DNAJC5B: variants seen among roughly 807,000 people sequenced by gnomAD.
DNAJC5B encodes DnaJ heat shock protein family (Hsp40) member C5 beta.
A neutral mutation model predicts 24.7 loss-of-function variants in DNAJC5B; 23 were observed. That is an observed-to-expected ratio of 0.93 (90% CI 0.67 to 1.32). DNAJC5B has a LOEUF of 1.32. Ranked by LOEUF, DNAJC5B falls within the 40% of genes most tolerant of loss-of-function variation. DNAJC5B has a pLI of 0.00. For synonymous variants in DNAJC5B, 101 were observed against 90.1 expected (o/e 1.12, Z -0.68); for missense variants, 238 against 240.8 (o/e 0.99, Z 0.08).
At position 66,100,157 on chromosome 8, in the gene DNAJC5B, T is replaced by C. The variant is rs141695014; in HGVS notation, c.*126T>C. 3.3e-3 allele frequency: 2,493 copies of C among 746,336 alleles called. 7 individuals are homozygous for C. The highest frequency in any genetic ancestry group is 4.7e-3 in the Non-Finnish European group (2,250 of 476,518). The allele number at this position is 746,336 out of a possible 1,614,324, so 46.2% of individuals were successfully genotyped here. A position where few individuals can be genotyped will look rare whatever the true frequency, so the allele number is the denominator to read the frequency against. On this transcript the variant is annotated 3_prime_UTR_variant, in exon 6 of 6. Coordinates refer to ENST00000276570, the MANE Select transcript of DNAJC5B (RefSeq NM_033105.6). ...CCATCTTGTTGTTTTATTTTTGGGT[T>C]AGGAAAACATGATTGCTATATAATT...
chr8:66,037,178 G>A (rs1473361685), intron 1 of DNAJC5B, among the ~76,000 whole-genome samples: 1 of 152,206 alleles, frequency 6.6e-6, no homozygotes, highest in African/African-American at 2.4e-5. Context: ...TGGGGCTTTG[G>A]CAACAGGGAC....
chr8:66,086,507 A>G lies in DNAJC5B; in HGVS notation c.505+5959A>G, dbSNP rs560398686. ...ACAGAAATTTTTCTTTGAAGGAACT[A>G]TTAGCTACCTTTACATTTACATTAA... On this transcript the variant is annotated intron_variant, in intron 5 of 5. Transcript: ENST00000276570. Among the ~76,000 whole-genome samples, 7 of 152,314 alleles carry G rather than the reference A, an allele frequency of 4.6e-5. No individual in the cohort carries two copies. In the South Asian group the frequency reaches 1.0e-3, roughly 23 times the overall value.
At chr8:66,078,326 G>A (rs1166980779) in intron 4 of DNAJC5B, among the ~76,000 whole-genome samples, 3 of 151,984 alleles carry the variant, frequency 2.0e-5, no homozygotes, top group Admixed American at 6.6e-5. Context: ...CCAATTTCAC[G>A]GCACCCATCA....
At chr8:66,018,205 G>A (rs1243874314), upstream of DNAJC5B, among the ~76,000 whole-genome samples, 1 of 152,114 alleles carries the variant, frequency 6.6e-6, no homozygotes, top group Non-Finnish European at 1.5e-5. Flanking sequence ...CTTGATGGGT[G>A]GGGCCTGCAA....
intron 3 of DNAJC5B, among the ~76,000 whole-genome samples, chr8:66,071,656 T>C (rs1807351568): frequency 1.3e-5 from 2 of 152,270 alleles, no homozygotes; most frequent in Admixed American, 1.3e-4. Context: ...TCCTCAAGGA[T>C]CTAGAACTAG....
chr8:66,078,136 G>C (rs529622491), intron 4 of DNAJC5B, among the ~76,000 whole-genome samples: 1 of 152,252 alleles, frequency 6.6e-6, no homozygotes, highest in African/African-American at 2.4e-5. Flanking sequence ...CTCAGGGCCT[G>C]CCTGCATAAA....
At chr8:66,063,771 T>C (rs1405681378) in intron 3 of DNAJC5B, among the ~76,000 whole-genome samples, 1 of 152,262 alleles carries the variant, frequency 6.6e-6, no homozygotes, top group African/African-American at 2.4e-5. Context: ...GAGATGAATA[T>C]ACATATAATA....
At chr8:66,023,760 A>C (rs1398998867) in intron 1 of DNAJC5B, among the ~76,000 whole-genome samples, 1 of 152,168 alleles carries the variant, frequency 6.6e-6, no homozygotes, top group Non-Finnish European at 1.5e-5. Flanking sequence ...GCCTTCTGTG[A>C]CTTATCCCAT....
At chr8:66,098,720 T>C (rs1168145011) in intron 5 of DNAJC5B, among the ~76,000 whole-genome samples, 1 of 152,132 alleles carries the variant, frequency 6.6e-6, no homozygotes, top group Non-Finnish European at 1.5e-5. Context: ...TTCCAATCTG[T>C]CTTCTACTTC....
At position 66,100,293 on chromosome 8, in the gene DNAJC5B, G is replaced by A. The variant is rs1026723703; in HGVS notation, c.*262G>A. The A allele has an allele frequency of 3.1e-6, 1 of 318,866 alleles. No individual in the cohort carries two copies. Among genetic ancestry groups the A allele is most frequent in the African/African-American group, 2.1e-5 (1 of 47,706 alleles). 19.8% of individuals were successfully genotyped at this position (318,866 alleles called of 1,614,324 possible). A position where few individuals can be genotyped will look rare whatever the true frequency, so the allele number is the denominator to read the frequency against. On this transcript the variant is annotated 3_prime_UTR_variant, in exon 6 of 6. Coordinates refer to ENST00000276570, the MANE Select transcript of DNAJC5B (RefSeq NM_033105.6). Reference sequence around the variant, plus strand: ...TACCCTCCTTGCCTGATGTAGGACAGTGGAATTGTACAGCCTTTATGAACC... The same window carrying A: ...TACCCTCCTTGCCTGATGTAGGACAATGGAATTGTACAGCCTTTATGAACC...
chr8:66,075,120 G>T (rs530513436), intron 3 of DNAJC5B, among the ~76,000 whole-genome samples: 2 of 152,122 alleles, frequency 1.3e-5, no homozygotes, highest in South Asian at 4.1e-4. Flanking sequence ...AGGCTGGAGT[G>T]CAGTGATGCA....
intron 2 of DNAJC5B, among the ~76,000 whole-genome samples, chr8:66,046,045 C>G (rs140564890): frequency 6.6e-6 from 1 of 152,250 alleles, no homozygotes; most frequent in South Asian, 2.1e-4. Flanking sequence ...TTTAACAAGA[C>G]TAGAAACGCT....
At chr8:66,027,038 C>T (rs1225150875) in intron 1 of DNAJC5B, among the ~76,000 whole-genome samples, 1 of 152,022 alleles carries the variant, frequency 6.6e-6, no homozygotes, top group African/African-American at 2.4e-5. Context: ...TCACCTGATC[C>T]CCTCATCCTC....
rs746717437 is a variant in DNAJC5B, at chr8:66,051,577, G to A, written c.30G>A (p.Gln10=). 5.0e-6 allele frequency: 8 copies of A among 1,613,852 alleles called. No homozygotes were observed. In the East Asian group the frequency reaches 6.7e-5, roughly 13 times the overall value. The change falls in exon 3 of 6, where the codon CAG becomes CAA. Residue 10 remains glutamine (Q), a synonymous_variant. Transcript: ENST00000276570. ...CATGTAACATACCTAACCAAAGACA[G>A]CGGACTCTGTCAACAACAGGAGAAG... MACNIPNQR[Q]RTLSTTGEAL...
chr8:66,046,428 TG>T (rs1409957842), intron 2 of DNAJC5B, among the ~76,000 whole-genome samples: 2 of 152,218 alleles, frequency 1.3e-5, no homozygotes, highest in Non-Finnish European at 1.5e-5. Context: ...TTCAGTTCAG[TG>T]TCACCACTAT....
intron 5 of DNAJC5B, among the ~76,000 whole-genome samples, chr8:66,097,538 G>C (rs1036929177): frequency 6.8e-6 from 1 of 146,602 alleles, no homozygotes; most frequent in African/African-American, 2.5e-5. Flanking sequence ...TATTTTCTGG[G>C]TTTTTTTTTC....
chr8:66,066,797 C>T (rs1425302951), intron 3 of DNAJC5B, among the ~76,000 whole-genome samples: 1 of 152,126 alleles, frequency 6.6e-6, no homozygotes, highest in East Asian at 1.9e-4. Context: ...ACTAAAATCT[C>T]AGACTTCACC....
chr8:66,097,698 T>G (rs1476326594), intron 5 of DNAJC5B, among the ~76,000 whole-genome samples: 1 of 152,136 alleles, frequency 6.6e-6, no homozygotes, highest in Non-Finnish European at 1.5e-5. Flanking sequence ...ATGTAACTTA[T>G]TAAGAGGGTT....
At chr8:66,034,860 A>T (rs1806447209) in intron 1 of DNAJC5B, among the ~76,000 whole-genome samples, 1 of 152,124 alleles carries the variant, frequency 6.6e-6, no homozygotes, top group Non-Finnish European at 1.5e-5. Flanking sequence ...GGCCCAGAAA[A>T]CAGATCTGCC....
Sources: allele counts gnomAD v4.1 joint callset (sites outside exome capture counted in the v4.1 genomes callset), GRCh38; gene constraint gnomAD v4.1.1; transcripts MANE v1.5; gene names NCBI Gene and HGNC (gene_info 2026-07-23, HGNC 2026-07-21).